PLXNA1: variants seen among roughly 807,000 people sequenced by gnomAD.
PLXNA1 encodes the protein plexin A1.
A neutral mutation model predicts 191.7 loss-of-function variants in PLXNA1; 77 were observed. That is an observed-to-expected ratio of 0.40 (90% CI 0.33 to 0.49). The LOEUF is 0.49. PLXNA1 is among the 20% of genes least tolerant of loss of function. The probability of loss-of-function intolerance (pLI) is 0.63; values close to 1 mark genes in which losing one functional copy is unlikely to be tolerated. For synonymous variants in PLXNA1, 1,137 were observed against 1,156.4 expected (o/e 0.98, Z 0.34); for missense variants, 2,110 against 2,660.2 (o/e 0.79, Z 4.55).
In PLXNA1 at chr3:127,022,466, C is replaced by T. The variant is rs2079156789; in HGVS notation, c.4295+125C>T. The T allele has an allele frequency of 3.2e-6, 4 of 1,264,810 alleles. No individual in the cohort carries two copies. The South Asian group carries it at 5.8e-5, about 18-fold the overall frequency. The allele number at this position is 1,264,810 out of a possible 1,614,324, so 78.3% of individuals were successfully genotyped here. ...CACCGGGCAGGGGTGGGAGGACTCA[C>T]CTGGCCTCTGAGGCTCAGCTGCCAC... On this transcript the variant is annotated intron_variant, in intron 22 of 31. Coordinates refer to ENST00000393409, the MANE Select transcript of PLXNA1 (RefSeq NM_032242.4).
intron 10 of PLXNA1, among the ~76,000 whole-genome samples, chr3:127,013,417 G>T (rs533374954): frequency 7.9e-5 from 12 of 152,210 alleles, no homozygotes; most frequent in African/African-American, 2.2e-4. Context: ...TCCCTGCACC[G>T]TCCCAGCACG....
At chr3:127,006,199 C>T in intron 8 of PLXNA1, 21 bp downstream of exon 8, 1 of 1,590,336 alleles carries the variant, frequency 6.3e-7, no homozygotes, top group South Asian at 1.1e-5. Flanking sequence ...CTAGGCCCCT[C>T]CGCCCGCCTG....
Position 127,017,837 on chromosome 3 carries a change from C to T in PLXNA1, c.3605C>T (p.Ser1202Leu), listed in dbSNP as rs2079132249. 1 of 1,612,830 alleles carries T rather than the reference C, an allele frequency of 6.2e-7. No homozygotes were observed. The highest frequency in any genetic ancestry group is 1.3e-5 in the African/African-American group (1 of 74,926). ...TCCACACCCTGTACCCTCACCGTGT[C>T]GGAGACGCAACTGCTGTGCGAGGCG... ...IGSTPCTLTV[S>L]ETQLLCEAPN... The change falls in exon 19 of 32, where the codon TCG becomes TTG. Residue 1202 changes from serine (S) to leucine (L), a missense_variant. Ser to Leu is a moderately radical substitution (Grantham distance 145, BLOSUM62 -2). Coordinates refer to ENST00000393409, the MANE Select transcript of PLXNA1 (RefSeq NM_032242.4).
Position 127,034,066 on chromosome 3 carries a change from A to T in PLXNA1, c.*49A>T, listed in dbSNP as rs12629453. 3.0e-3 allele frequency: 4,536 copies of T among 1,497,334 alleles called. 114 individuals are homozygous for T. In the East Asian group the frequency reaches 0.07, roughly 23 times the overall value. The allele number at this position is 1,497,334 out of a possible 1,614,324, so 92.8% of individuals were successfully genotyped here. Reference sequence around the variant, plus strand: ...TGATGCAGCGTGAGGACAGCTGAGCAGGGACCGGGACAGCCCTCACCGCAT... The same window carrying T: ...TGATGCAGCGTGAGGACAGCTGAGCTGGGACCGGGACAGCCCTCACCGCAT... On this transcript the variant is annotated 3_prime_UTR_variant, in exon 32 of 32. Transcript: ENST00000393409.
intron 1 of PLXNA1, among the ~76,000 whole-genome samples, chr3:126,986,858 C>T (rs1305518844): frequency 6.6e-6 from 1 of 152,220 alleles, no homozygotes; most frequent in Non-Finnish European, 1.5e-5. Flanking sequence ...GCCCAGCTCC[C>T]TGGTAGACTT....
In PLXNA1 at chr3:127,022,289, C is replaced by G; in HGVS notation, c.4243C>G (p.Leu1415Val). 6.2e-7 allele frequency: 1 copy of G among 1,613,274 alleles called. No individual in the cohort carries two copies. Among genetic ancestry groups the G allele is most frequent in the Non-Finnish European group, 8.5e-7 (1 of 1,179,670 alleles). The change falls in exon 22 of 32, where the codon CTC becomes GTC. Residue 1415 changes from leucine to valine, a missense_variant. Leu to Val is a conservative substitution (Grantham distance 32, BLOSUM62 1). Around this residue, in one of 4 missense-constraint regions of PLXNA1, gnomAD observed 559 missense variants for 911.5 expected, o/e 0.61. Coordinates refer to ENST00000393409, the MANE Select transcript of PLXNA1 (RefSeq NM_032242.4). ...CGTGCTCAAGCAGCTGCTTTCCGAC[C>G]TCATCGAGAAGAACCTGGAGAGCAA... Reference protein sequence around the residue: ...TGVLKQLLSDLIEKNLESKNH... With the variant: ...TGVLKQLLSDVIEKNLESKNH...
At chr3:126,992,401 T>G (rs2107621689) in intron 3 of PLXNA1, among the ~76,000 whole-genome samples, 1 of 152,076 alleles carries the variant, frequency 6.6e-6, no homozygotes, top group South Asian at 2.1e-4. Flanking sequence ...GCAGCTCCCC[T>G]GAGCCCATGT....
At chr3:126,990,150 A>G (rs1186379612) in intron 2 of PLXNA1, among the ~76,000 whole-genome samples, 4 of 152,168 alleles carry the variant, frequency 2.6e-5, no homozygotes, top group African/African-American at 9.7e-5. Context: ...CATCCTACAA[A>G]TGAGGTTATA....
At chr3:127,022,373 G>T in intron 22 of PLXNA1, 32 bp downstream of exon 22, 1 of 1,596,256 alleles carries the variant, frequency 6.3e-7, no homozygotes, top group Non-Finnish European at 8.6e-7. Flanking sequence ...GTTGGGGGAG[G>T]CAGGCCCATG....
At chr3:126,998,899 C>G (rs1218761850) in intron 3 of PLXNA1, among the ~76,000 whole-genome samples, 1 of 152,226 alleles carries the variant, frequency 6.6e-6, no homozygotes, top group Non-Finnish European at 1.5e-5. Context: ...TGGCCTGATT[C>G]CAGCCCTCGG....
In PLXNA1 at chr3:127,028,300, G is replaced by A; in HGVS notation, c.4629G>A (p.Val1543=). Residue 1543 remains valine (V), a synonymous_variant, in exon 25 of 32, where the codon GTG becomes GTA. Coordinates refer to ENST00000393409, the MANE Select transcript of PLXNA1 (RefSeq NM_032242.4). ...TGCTGGACGCTGCCTACAAGGGCGTGCCCTACTCCCAGCGGCCCAAGGCCG... is the reference window on the plus strand; with the variant it reads ...TGCTGGACGCTGCCTACAAGGGCGTACCCTACTCCCAGCGGCCCAAGGCCG... ...EKLLDAAYKG[V]PYSQRPKAAD... 6.2e-7 allele frequency: 1 copy of A among 1,612,610 alleles called. No individual in the cohort carries two copies. The highest frequency in any genetic ancestry group is 8.5e-7 in the Non-Finnish European group (1 of 1,179,962).
chr3:126,983,370 G>C (rs1263380504), intron 1 of PLXNA1, among the ~76,000 whole-genome samples, 83 bp downstream of exon 1: 1 of 145,348 alleles, frequency 6.9e-6, no homozygotes, highest in African/African-American at 2.5e-5. Flanking sequence ...CGGGCGGCCC[G>C]TGGGTGGGCG....
intron 9 of PLXNA1, 81 bp downstream of exon 9, chr3:127,007,994 G>A: frequency 1.1e-6 from 1 of 916,658 alleles, no homozygotes; most frequent in South Asian, 1.6e-5. Context: ...GGTGTCGCCT[G>A]AGGCCTGGCC....
chr3:127,014,422 C>T, intron 12 of PLXNA1, 47 bp downstream of exon 12: 1 of 1,574,244 alleles, frequency 6.4e-7, no homozygotes, highest in Non-Finnish European at 8.6e-7. Context: ...CGCCCTGCAC[C>T]ACCGCACACC....
rs745908670 is a variant in PLXNA1 at position 127,029,983 on chromosome 3, C to T, written c.4980C>T (p.His1660=). 8 of 1,613,704 alleles carry T rather than the reference C, an allele frequency of 5.0e-6. No homozygotes were observed. Among genetic ancestry groups the T allele is most frequent in the Admixed American group, 1.7e-5 (1 of 60,008 alleles). Residue 1660 remains histidine, a synonymous_variant, in exon 28 of 32, where the codon CAC becomes CAT. Coordinates refer to ENST00000393409, the MANE Select transcript of PLXNA1 (RefSeq NM_032242.4). ...GTKLWHLVKN[H]DHLDQREGDR... is the part of the protein sequence containing the mutation. ...AGCTGTGGCACCTGGTGAAGAACCA[C>T]GACCACCTGGACCAGCGTGAGGGTG...
chr3:127,012,555 T>C (rs779648486), intron 10 of PLXNA1, among the ~76,000 whole-genome samples: 3 of 152,228 alleles, frequency 2.0e-5, no homozygotes, highest in Non-Finnish European at 2.9e-5. Context: ...CCTTCATCAC[T>C]GTGGCTCCCG....
rs1207391012 is a variant in PLXNA1, at chr3:127,011,997, C to T, written c.2152C>T (p.Pro718Ser). The T allele has an allele frequency of 8.7e-6, 14 of 1,613,644 alleles. No homozygotes were observed. The highest frequency in any genetic ancestry group is 1.2e-5 in the Non-Finnish European group (14 of 1,180,018). Residue 718 changes from proline to serine, a missense_variant, in exon 10 of 32, where the codon CCA becomes TCA. Around this residue, in one of 4 missense-constraint regions of PLXNA1, gnomAD observed 903 missense variants for 1,015.7 expected, o/e 0.89. Coordinates refer to ENST00000393409, the MANE Select transcript of PLXNA1 (RefSeq NM_032242.4). ...QILPSTQIYV[P>S]VGVVKPITLA... Reference sequence around the variant, plus strand: ...CCTGCCCTCCACGCAGATCTACGTGCCAGTGGGAGTGGTAAAACCCATCAC... The same window carrying T: ...CCTGCCCTCCACGCAGATCTACGTGTCAGTGGGAGTGGTAAAACCCATCAC...
Position 127,029,431 on chromosome 3 carries a change from T to C in PLXNA1, c.4774-9T>C. On this transcript the variant is annotated splice_polypyrimidine_tract_variant and intron_variant, in intron 26 of 31. Coordinates refer to ENST00000393409, the MANE Select transcript of PLXNA1 (RefSeq NM_032242.4). ...GTGGGTCACAGGGTCCCTGGCCCTC[T>C]GCCCACAGGTGACAGACGGGTCCTC... is the stretch of plus-strand genomic sequence containing the variant. The C allele has an allele frequency of 6.2e-7, 1 of 1,613,508 alleles. No individual in the cohort carries two copies. The highest frequency in any genetic ancestry group is 8.5e-7 in the Non-Finnish European group (1 of 1,179,760).
chr3:127,007,136 C>G (rs1325857409), intron 8 of PLXNA1, among the ~76,000 whole-genome samples: 2 of 152,046 alleles, frequency 1.3e-5, no homozygotes. Flanking sequence ...ACAGGAGAAG[C>G]AGGGTGGTGG....
Sources: gnomAD v4.1 joint callset for allele counts (sites outside exome capture counted in the v4.1 genomes callset) on GRCh38, gnomAD v4.1.1 for gene constraint, gnomAD v4.1.1 regional missense constraint, MANE v1.5 for transcripts, NCBI Gene and HGNC (gene_info 2026-07-23, HGNC 2026-07-21) for gene names.